SASH1: variants seen among roughly 807,000 people sequenced by gnomAD.
The protein encoded by SASH1 is SAM and SH3 domain-containing protein 1.
Under a neutral mutation model 125.2 loss-of-function variants are expected in SASH1, and 44 were observed. The observed-to-expected ratio is 0.35, with a 90% CI of 0.28 to 0.45. The LOEUF is 0.45. Ranked by LOEUF, SASH1 falls within the 20% of genes least tolerant of loss-of-function variation. The probability of loss-of-function intolerance (pLI) is 1.00; values close to 1 mark genes in which losing one functional copy is unlikely to be tolerated. For missense variants in SASH1, 1,426 were observed against 1,614.5 expected (o/e 0.88, Z 2.00); for synonymous variants, 639 against 649.1 (o/e 0.98, Z 0.24).
intron 2 of SASH1, among the ~76,000 whole-genome samples, chr6:148,392,754 G>C (rs541175770): frequency 6.6e-6 from 1 of 152,310 alleles, no homozygotes; most frequent in African/African-American, 2.4e-5. Flanking sequence ...GTCATCCAGG[G>C]GCTGACAGCC....
intron 2 of SASH1, among the ~76,000 whole-genome samples, chr6:148,430,923 A>C (rs775147556): frequency 6.6e-6 from 1 of 152,218 alleles, no homozygotes; most frequent in Admixed American, 6.5e-5. Context: ...GACCCTAAAG[A>C]TTATCAAGTG....
Position 148,380,043 on chromosome 6 carries a change from G to A in SASH1, c.157-10091G>A, listed in dbSNP as rs188338042. On this transcript the variant is annotated intron_variant, in intron 1 of 19. Transcript: ENST00000367467. The stretch of plus-strand genomic sequence containing the variant: ...CAGTTCTTAAAAATGTGGAGTTTTG[G>A]CAATAGCACCAAGAAACAGTTGCTT... 13 of 451,544 alleles carry A rather than the reference G, an allele frequency of 2.9e-5. No individual in the cohort carries two copies. In the East Asian group the frequency reaches 9.1e-4, roughly 32 times the overall value. The allele number at this position is 451,544 out of a possible 1,614,324, so 28.0% of individuals were successfully genotyped here.
intron 1 of SASH1, among the ~76,000 whole-genome samples, chr6:148,325,748 T>C (rs1780779844): frequency 6.6e-6 from 1 of 152,106 alleles, no homozygotes; most frequent in South Asian, 2.1e-4. Context: ...AGTCAAACCA[T>C]ATCACCCTCA....
At chr6:148,302,861 G>C (rs1780010953) in intron 1 of SASH1, among the ~76,000 whole-genome samples, 1 of 150,998 alleles carries the variant, frequency 6.6e-6, no homozygotes, top group South Asian at 2.1e-4. Context: ...CACACACAGA[G>C]AGAAAGAAAG....
At chr6:148,375,596 G>A (rs534610921) in intron 1 of SASH1, among the ~76,000 whole-genome samples, 1 of 152,222 alleles carries the variant, frequency 6.6e-6, no homozygotes, top group African/African-American at 2.4e-5. Context: ...TCATCTTGAG[G>A]GGAAATGATG....
At chr6:148,333,853 C>T (rs978820318) in intron 1 of SASH1, among the ~76,000 whole-genome samples, 3 of 145,922 alleles carry the variant, frequency 2.1e-5, no homozygotes, top group African/African-American at 7.6e-5. Flanking sequence ...GACACAGTCA[C>T]GCTGTGTCGC....
Position 148,459,015 on chromosome 6 carries a change from CACACACA to C in SASH1, c.387-9529_387-9523del, listed in dbSNP as rs1562428788. Among the ~76,000 whole-genome samples the C allele has an allele frequency of 1.8e-4, 27 of 151,204 alleles. No homozygotes were observed. The East Asian group carries it at 4.9e-3, about 27-fold the overall frequency. ...ACACACACACACACACACACACACACACACACACCCTCTAGCATATGTCACGGGGATA... is the reference window on the plus strand; with the variant it reads ...ACACACACACACACACACACACACACCCCTCTAGCATATGTCACGGGGATA... On this transcript the variant is annotated intron_variant, in intron 4 of 19. Transcript: ENST00000367467.
intron 1 of SASH1, among the ~76,000 whole-genome samples, chr6:148,372,988 A>G (rs575517951): frequency 2.8e-4 from 42 of 152,244 alleles, no homozygotes; most frequent in African/African-American, 9.4e-4. Context: ...TGAGGTCAGG[A>G]GTTCGAGACC....
chr6:148,265,937 G>C, the SASH1 span, among the ~76,000 whole-genome samples: 1 of 152,104 alleles, frequency 6.6e-6, no homozygotes, highest in Non-Finnish European at 1.5e-5. Context: ...TACAATTCAA[G>C]GAAGTTGTCA....
chr6:148,295,790 C>A (rs1334737262), intron 1 of SASH1, among the ~76,000 whole-genome samples: 2 of 152,180 alleles, frequency 1.3e-5, no homozygotes, highest in African/African-American at 4.8e-5. Context: ...CACCCCAGCA[C>A]AAAGAAGGGC....
At chr6:148,208,048 C>T in the SASH1 span, among the ~76,000 whole-genome samples, 3 of 152,324 alleles carry the variant, frequency 2.0e-5, no homozygotes, top group East Asian at 3.9e-4. Flanking sequence ...TGGATGACCA[C>T]CCATCCATTC....
At chr6:148,436,234 A>G (rs967373620) in intron 2 of SASH1, among the ~76,000 whole-genome samples, 4 of 152,096 alleles carry the variant, frequency 2.6e-5, no homozygotes, top group African/African-American at 7.2e-5. Flanking sequence ...GAGGCAATAC[A>G]AATCTCAGCA....
intron 1 of SASH1, among the ~76,000 whole-genome samples, chr6:148,300,493 G>A (rs1328030945): frequency 6.9e-6 from 1 of 145,710 alleles, no homozygotes; most frequent in Admixed American, 7.0e-5. Context: ...CTGTCACCCA[G>A]GCTGGAGTGT....
chr6:148,470,017 CTCTG>C (rs1778024603), intron 5 of SASH1, among the ~76,000 whole-genome samples: 1 of 142,922 alleles, frequency 7.0e-6, no homozygotes, highest in Admixed American at 7.0e-5. Flanking sequence ...CAGAGCAAGA[CTCTG>C]TCTCACTAAA....
At chr6:148,265,821 C>A in the SASH1 span, among the ~76,000 whole-genome samples, 1 of 152,110 alleles carries the variant, frequency 6.6e-6, no homozygotes, top group African/African-American at 2.4e-5. Context: ...GAATTAACAA[C>A]CCATGATTCT....
At chr6:148,218,515 C>T in the SASH1 span, among the ~76,000 whole-genome samples, 1 of 152,212 alleles carries the variant, frequency 6.6e-6, no homozygotes, top group South Asian at 2.1e-4. Context: ...TCTAACACAA[C>T]ACAGCTGCCC....
At chr6:148,332,199 G>GA (rs140819866) in intron 1 of SASH1, among the ~76,000 whole-genome samples, 33 of 148,636 alleles carry the variant, frequency 2.2e-4, no homozygotes, top group East Asian at 5.9e-4. Flanking sequence ...ATTTGTGGGG[G>GA]AAAAAAAAAA....
chr6:148,536,785 G>A (rs1263056410), intron 16 of SASH1, among the ~76,000 whole-genome samples: 1 of 152,164 alleles, frequency 6.6e-6, no homozygotes, highest in Admixed American at 6.5e-5. Flanking sequence ...TTCCTCCTGG[G>A]ATCACATCCT....
At chr6:148,287,512 C>T (rs1779512697) in intron 1 of SASH1, among the ~76,000 whole-genome samples, 1 of 152,170 alleles carries the variant, frequency 6.6e-6, no homozygotes, top group Non-Finnish European at 1.5e-5. Flanking sequence ...GAGATGGCAA[C>T]TTGCTGCTCT....
Sources: allele counts gnomAD v4.1 joint callset (sites outside exome capture counted in the v4.1 genomes callset), GRCh38; gene constraint gnomAD v4.1.1; transcripts MANE v1.5; gene names NCBI Gene and HGNC (gene_info 2026-07-23, HGNC 2026-07-21).